PLD5: variants seen among roughly 807,000 people sequenced by gnomAD.
PLD5 encodes inactive phospholipase D5.
In PLD5, 36 loss-of-function variants were observed where a neutral mutation model predicts 61.1. That is an observed-to-expected ratio of 0.59 (90% CI 0.45 to 0.78). The LOEUF is 0.78. PLD5 is among the 30% of genes least tolerant of loss of function. The pLI is 0.00. For missense variants in PLD5, 515 were observed against 644.4 expected (o/e 0.80, Z 2.17); for synonymous variants, 243 against 242.8 (o/e 1.00, Z -0.01).
intron 1 of PLD5, among the ~76,000 whole-genome samples, chr1:242,493,122 G>T (rs1385796426): frequency 6.6e-6 from 1 of 152,042 alleles, no homozygotes; most frequent in African/African-American, 2.4e-5. Flanking sequence ...AATAGTTTAG[G>T]ATATCTCACA....
intron 1 of PLD5, among the ~76,000 whole-genome samples, chr1:242,520,460 G>A (rs1325787252): frequency 6.6e-6 from 1 of 152,180 alleles, no homozygotes; most frequent in African/African-American, 2.4e-5. Flanking sequence ...TGGTAACTGT[G>A]AGCCCTTTGC....
chr1:242,426,120 A>G (rs1412999653), intron 1 of PLD5, among the ~76,000 whole-genome samples: 1 of 152,074 alleles, frequency 6.6e-6, no homozygotes, highest in Non-Finnish European at 1.5e-5. Context: ...TTTTTGTTAA[A>G]AACTGAGACA....
At chr1:242,160,026 G>GAGAT (rs1388557839) in intron 5 of PLD5, among the ~76,000 whole-genome samples, 1 of 147,056 alleles carries the variant, frequency 6.8e-6, no homozygotes, top group Non-Finnish European at 1.5e-5. Flanking sequence ...ATTTTTTTTT[G>GAGAT]AGATAGATAG....
chr1:242,503,938 G>A (rs1036213499), intron 1 of PLD5, among the ~76,000 whole-genome samples: 1 of 152,038 alleles, frequency 6.6e-6, no homozygotes, highest in African/African-American at 2.4e-5. Flanking sequence ...TTTTTATGTG[G>A]GATAAAAGAT....
At chr1:242,419,089 C>T (rs1664984244) in intron 1 of PLD5, among the ~76,000 whole-genome samples, 1 of 152,144 alleles carries the variant, frequency 6.6e-6, no homozygotes, top group South Asian at 2.1e-4. Context: ...TGTGATCCTC[C>T]TAAGACACAG....
intron 5 of PLD5, among the ~76,000 whole-genome samples, chr1:242,204,102 G>A (rs1669164402): frequency 6.6e-6 from 1 of 151,484 alleles, no homozygotes; most frequent in African/African-American, 2.4e-5. Flanking sequence ...AAAAACTTAG[G>A]TGTGGTGGCG....
intron 5 of PLD5, among the ~76,000 whole-genome samples, chr1:242,137,098 C>T (rs903277550): frequency 6.6e-6 from 1 of 152,178 alleles, no homozygotes; most frequent in Non-Finnish European, 1.5e-5. Context: ...AGATAAGCTA[C>T]AAATCTGCCT....
chr1:242,247,065 G>C lies in PLD5; in HGVS notation c.607+18272C>G, dbSNP rs1014475037. On this transcript the variant is annotated intron_variant, in intron 4 of 9. Transcript: ENST00000536534. ...GTGGCGCGATCTCGACTCACTGCAAGCTCCGCCTCCCGGGTTCACGCCATT... is the reference window on the plus strand; with the variant it reads ...GTGGCGCGATCTCGACTCACTGCAACCTCCGCCTCCCGGGTTCACGCCATT... Among the ~76,000 whole-genome samples, 6 of 150,704 alleles carry C rather than the reference G, an allele frequency of 4.0e-5. 1 individual carries two copies. Among genetic ancestry groups the C allele is most frequent in the Admixed American group, 1.3e-4 (2 of 15,072 alleles).
At chr1:242,208,533 G>A (rs561089634) in intron 5 of PLD5, among the ~76,000 whole-genome samples, 1 of 152,210 alleles carries the variant, frequency 6.6e-6, no homozygotes, top group South Asian at 2.1e-4. Flanking sequence ...CACACACCTT[G>A]GAAAATACTA....
intron 1 of PLD5, among the ~76,000 whole-genome samples, chr1:242,395,043 G>GAATATATATGATTATATATATGAA (rs879927435): frequency 4.9e-4 from 33 of 67,432 alleles, no homozygotes; most frequent in Admixed American, 7.1e-4. Context: ...GAATGTATAT[G>GAATATATATGATTATATATATGAA]TATATATGAA....
chr1:242,346,192 T>C (rs184345547), intron 2 of PLD5, among the ~76,000 whole-genome samples: 1 of 151,322 alleles, frequency 6.6e-6, no homozygotes, highest in Admixed American at 6.6e-5. Context: ...ATTTAGTTAC[T>C]GATAGAAGAA....
At chr1:242,118,590 T>C (rs965921692) in intron 6 of PLD5, among the ~76,000 whole-genome samples, 1 of 152,212 alleles carries the variant, frequency 6.6e-6, no homozygotes, top group East Asian at 1.9e-4. Context: ...CATAAATGCA[T>C]AAATGTTGGA....
At chr1:242,267,887 T>TG (rs1673793305) in intron 3 of PLD5, among the ~76,000 whole-genome samples, 14 of 80,374 alleles carry the variant, frequency 1.7e-4, no homozygotes, top group African/African-American at 6.9e-4. Flanking sequence ...TCTCCAAAAA[T>TG]TAAAAAAAAA....
chr1:242,465,666 C>A (rs533609852), intron 1 of PLD5, among the ~76,000 whole-genome samples: 2 of 152,144 alleles, frequency 1.3e-5, no homozygotes, highest in Admixed American at 6.5e-5. Flanking sequence ...CAGTGGCCTA[C>A]GCCTGTAATC....
At chr1:242,120,535 G>A (rs556734661) in intron 6 of PLD5, among the ~76,000 whole-genome samples, 22 of 152,180 alleles carry the variant, frequency 1.4e-4, no homozygotes, top group African/African-American at 4.6e-4. Flanking sequence ...TACAATATAC[G>A]CAGAAGGTTC....
chr1:242,194,149 A>G (rs1417506663), intron 5 of PLD5, among the ~76,000 whole-genome samples: 3 of 152,132 alleles, frequency 2.0e-5, no homozygotes, highest in African/African-American at 7.2e-5. Flanking sequence ...TGGTGTCACC[A>G]ACCAAAAAGG....
chr1:242,330,579 T>C (rs1280006409), intron 2 of PLD5, among the ~76,000 whole-genome samples: 1 of 152,202 alleles, frequency 6.6e-6, no homozygotes, highest in Admixed American at 6.5e-5. Context: ...TTCTTGATGG[T>C]AGAAACTGAT....
intron 1 of PLD5, among the ~76,000 whole-genome samples, chr1:242,454,466 C>T (rs1666885364): frequency 6.6e-6 from 1 of 150,618 alleles, no homozygotes; most frequent in African/African-American, 2.4e-5. Context: ...TTGATGTTGG[C>T]AGAGGAAAAA....
chr1:242,499,512 T>C (rs1668483397), intron 1 of PLD5, among the ~76,000 whole-genome samples: 1 of 152,216 alleles, frequency 6.6e-6, no homozygotes, highest in African/African-American at 2.4e-5. Flanking sequence ...ATTATGTCCG[T>C]GGCCTTTGCT....
Sources: gnomAD v4.1 joint callset for allele counts (sites outside exome capture counted in the v4.1 genomes callset) on GRCh38, gnomAD v4.1.1 for gene constraint, MANE v1.5 for transcripts, NCBI Gene and HGNC (gene_info 2026-07-23, HGNC 2026-07-21) for gene names.